The following MACF1 variants were observed in gnomAD, a reference collection of about 807,000 sequenced individuals.
MACF1 encodes the protein microtubule actin crosslinking factor 1.
Under a neutral mutation model 854.8 loss-of-function variants are expected in MACF1, and 193 were observed. The ratio of observed to expected loss-of-function variants is 0.23; its 90% CI spans 0.20 to 0.25. MACF1 has a LOEUF of 0.25. Ranked by LOEUF, MACF1 falls within the 10% of genes least tolerant of loss-of-function variation. The probability of loss-of-function intolerance (pLI) is 1.00; values close to 1 mark genes in which losing one functional copy is unlikely to be tolerated. For synonymous variants in MACF1, 3,185 were observed against 3,226.7 expected, an observed-to-expected ratio of 0.99 and a Z score of 0.44; for missense variants, 7,722 against 8,929.1, an observed-to-expected ratio of 0.86 and a Z score of 5.45.
At chr1:39,339,214 C>T (rs1646883847) in intron 38 of MACF1, among the ~76,000 whole-genome samples, 1 of 152,140 alleles carries the variant, frequency 6.6e-6, no homozygotes, top group South Asian at 2.1e-4. Flanking sequence ...ATGAATGCAT[C>T]ACTGCACTCC....
rs1348528763 is a variant in MACF1, at chr1:39,331,685, G to A, written c.5097G>A (p.Leu1699=). ...CTTATCTTAGAACATCCAAGAATTTGATAGACCCTAACACAGCTGAGAAAA... is the reference window on the plus strand; with the variant it reads ...CTTATCTTAGAACATCCAAGAATTTAATAGACCCTAACACAGCTGAGAAAA... The part of the protein sequence containing the change: ...LESYLRTSKN[L]IDPNTAEKIG... Residue 1699 remains leucine, a synonymous_variant, in exon 37 of 101, where the codon TTG becomes TTA. Transcript: ENST00000564288. 6 of 1,614,160 alleles carry A rather than the reference G, an allele frequency of 3.7e-6. No homozygotes were observed. The South Asian group carries it at 4.4e-5, about 12-fold the overall frequency.
rs764988772 is a variant in MACF1, at chr1:39,335,561, A to G, written c.8973A>G (p.Pro2991=). ...IVEESIRTCK[P]AFLSEEKLYQ... Reference sequence around the variant, plus strand: ...AAGAAAGTATCAGAACATGCAAACCAGCATTTCTTTCTGAAGAAAAGTTGT... The same window carrying G: ...AAGAAAGTATCAGAACATGCAAACCGGCATTTCTTTCTGAAGAAAAGTTGT... The change falls in exon 37 of 101, where the codon CCA becomes CCG. Residue 2991 remains proline, a synonymous_variant. Transcript: ENST00000564288. 6.2e-7 allele frequency: 1 copy of G among 1,614,214 alleles called. No homozygotes were observed. Among genetic ancestry groups the G allele is most frequent in the South Asian group, 1.1e-5 (1 of 91,074 alleles).
chr1:39,451,071 G>A lies in MACF1; in HGVS notation c.20278G>A (p.Ala6760Thr). The A allele has an allele frequency of 6.2e-7, 1 of 1,613,944 alleles. No individual in the cohort carries two copies. Among genetic ancestry groups the A allele is most frequent in the Non-Finnish European group, 8.5e-7 (1 of 1,179,956 alleles). The change falls in exon 85 of 101, where the codon GCC (alanine) becomes ACC (threonine). Residue 6760 changes from alanine (A) to threonine (T), a missense_variant. Ala to Thr is a moderately conservative substitution (Grantham distance 58, BLOSUM62 0). Coordinates refer to ENST00000564288, the MANE Select transcript of MACF1 (RefSeq NM_001394062.1). ...TCTCAGGCAGCACAAGTTGGAGGAA[G>A]CCCTGCTCTTTTCGGGTCAGTTCAT... ...SVERQHKLEE[A>T]LLFSGQFMDA...
chr1:39,410,986 G>A, intron 58 of MACF1: 1 of 1,614,034 alleles, frequency 6.2e-7, no homozygotes, highest in Non-Finnish European at 8.5e-7. Context: ...AGAAGCTGTA[G>A]CAACAAGTGG....
intron 2 of MACF1, among the ~76,000 whole-genome samples, chr1:39,161,255 A>G (rs974889002): frequency 2.6e-5 from 4 of 152,130 alleles, no homozygotes; most frequent in African/African-American, 9.7e-5. Context: ...GATTTTTGGC[A>G]GAGTCCAGAC....
chr1:39,225,174 A>G (rs1200171105), intron 1 of MACF1, among the ~76,000 whole-genome samples: 2 of 150,948 alleles, frequency 1.3e-5, no homozygotes, highest in East Asian at 1.9e-4. Context: ...ACAGAATGAG[A>G]CCCTGTCTCA....
intron 84 of MACF1, among the ~76,000 whole-genome samples, chr1:39,450,651 T>G (rs1644323970): frequency 7.0e-6 from 1 of 142,844 alleles, no homozygotes; most frequent in Non-Finnish European, 1.5e-5. Flanking sequence ...TCGCTCTGTC[T>G]CCCAGGCTGG....
chr1:39,163,358 AAAG>A lies in MACF1; in HGVS notation c.221-67821_221-67819del, dbSNP rs1168434444. ...ACTGTCTCAAAAAAAAAAAAAAAAA[AAAG>A]AAAAGAAAAGAAAAAAAGAAACTCC... On this transcript the variant is annotated intron_variant, in intron 2 of 93. Transcript: ENST00000361689. Among the ~76,000 whole-genome samples the A allele has an allele frequency of 4.0e-3, 585 of 148,010 alleles. 3 individuals are homozygous for A. The highest frequency in any genetic ancestry group is 6.7e-3 in the Non-Finnish European group (449 of 66,682).
At chr1:39,446,514 G>T (rs1350658482) in intron 80 of MACF1, among the ~76,000 whole-genome samples, 1 of 151,028 alleles carries the variant, frequency 6.6e-6, no homozygotes, top group Admixed American at 6.6e-5. Context: ...TTGGTGGGGG[G>T]TGGTTACAAA....
rs760801754 is a variant in MACF1, at chr1:39,372,493, C to T, written c.13110C>T (p.Asp4370=). 2 of 1,611,262 alleles carry T rather than the reference C, an allele frequency of 1.2e-6. No homozygotes were observed. Among genetic ancestry groups the T allele is most frequent in the East Asian group, 2.2e-5 (1 of 44,832 alleles). ...TCTTTAAACAGAGTCTACTAGATGA[C>T]TGGGCAAGTAAGGGAACTCTGGTGG... ...QIEHLKSLLD[D]WASKGTLVEE... is the part of the protein sequence containing the mutation. The change falls in exon 52 of 101, where the codon GAC becomes GAT. Residue 4370 remains aspartate, a synonymous_variant. Coordinates refer to ENST00000564288, the MANE Select transcript of MACF1 (RefSeq NM_001394062.1).
chr1:39,416,043 G>A (rs1473171303), intron 58 of MACF1, among the ~76,000 whole-genome samples: 4 of 152,172 alleles, frequency 2.6e-5, no homozygotes, highest in African/African-American at 9.7e-5. Context: ...GCAGCCTTAA[G>A]TCAGCTAGAG....
chr1:39,317,610 T>C (rs1394520896), intron 29 of MACF1, among the ~76,000 whole-genome samples: 1 of 152,240 alleles, frequency 6.6e-6, no homozygotes, highest in East Asian at 1.9e-4. Context: ...GCCTCTCCTG[T>C]GTCCCAGGTC....
At chr1:39,410,970 A>G in intron 58 of MACF1, 1 of 1,613,970 alleles carries the variant, frequency 6.2e-7, no homozygotes, top group South Asian at 1.1e-5. Flanking sequence ...TCCAGCCTGT[A>G]GAATCAGAAG....
chr1:39,414,508 C>G, intron 58 of MACF1: 1 of 1,612,630 alleles, frequency 6.2e-7, no homozygotes. Flanking sequence ...TGGGAAGGGT[C>G]TAAAGAGTAA....
intron 58 of MACF1, among the ~76,000 whole-genome samples, chr1:39,395,015 A>C (rs1642215921): frequency 6.6e-6 from 1 of 152,148 alleles, no homozygotes; most frequent in African/African-American, 2.4e-5. Flanking sequence ...CAAGGAAATA[A>C]AGACAGTATC....
chr1:39,097,218 G>C (rs1557450358), intron 2 of MACF1, among the ~76,000 whole-genome samples: 1 of 151,992 alleles, frequency 6.6e-6, no homozygotes, highest in Non-Finnish European at 1.5e-5. Flanking sequence ...CAGGCTCCAG[G>C]GGCAGTGTGT....
chr1:39,446,186 C>G (rs1644225335), intron 80 of MACF1, among the ~76,000 whole-genome samples: 1 of 152,020 alleles, frequency 6.6e-6, no homozygotes, highest in Admixed American at 6.6e-5. Flanking sequence ...GAAACATTAC[C>G]TTCAGGATCA....
intron 95 of MACF1, among the ~76,000 whole-genome samples, chr1:39,467,236 G>T (rs1258236083): frequency 6.6e-6 from 1 of 152,098 alleles, no homozygotes; most frequent in Non-Finnish European, 1.5e-5. Flanking sequence ...CTGGTGGCGG[G>T]CGCCTGTAGT....
intron 58 of MACF1, among the ~76,000 whole-genome samples, chr1:39,415,523 T>TAA (rs1207631131): frequency 2.7e-5 from 4 of 146,772 alleles, no homozygotes; most frequent in South Asian, 2.1e-4. Flanking sequence ...TATATATATA[T>TAA]AATTTTTTTT....
Sources: allele counts gnomAD v4.1 joint callset (sites outside exome capture counted in the v4.1 genomes callset), GRCh38; gene constraint gnomAD v4.1.1; transcripts MANE v1.5; gene names NCBI Gene and HGNC (gene_info 2026-07-23, HGNC 2026-07-21).